CTNNA2: variants seen among roughly 807,000 people sequenced by gnomAD.
CTNNA2 encodes the protein catenin alpha 2, also known as catenin alpha-2.
Under a neutral mutation model 101.0 loss-of-function variants are expected in CTNNA2, and 42 were observed. The ratio of observed to expected loss-of-function variants is 0.42; its 90% CI spans 0.32 to 0.54. The LOEUF is 0.54. Among genes scored for constraint, CTNNA2 ranks in the 20% least tolerant of loss-of-function variants. CTNNA2 has a pLI of 0.14. For missense variants in CTNNA2, 871 were observed against 1,223.1 expected, an observed-to-expected ratio of 0.71 and a Z score of 4.29; for synonymous variants, 450 against 456.4, an observed-to-expected ratio of 0.99 and a Z score of 0.18.
chr2:79,908,339 G>T (rs1574284489), intron 6 of CTNNA2, among the ~76,000 whole-genome samples: 2 of 152,096 alleles, frequency 1.3e-5, no homozygotes, highest in East Asian at 3.9e-4. Context: ...AATAAGGAAC[G>T]TCAAAAGAAG....
intron 7 of CTNNA2, among the ~76,000 whole-genome samples, chr2:80,109,192 G>A (rs1017407836): frequency 1.3e-5 from 2 of 152,244 alleles, no homozygotes; most frequent in Non-Finnish European, 2.9e-5. Context: ...TGGGCATGGT[G>A]GCTCACGCCT....
At chr2:80,337,887 A>G (rs1419724585) in intron 7 of CTNNA2, among the ~76,000 whole-genome samples, 2 of 152,170 alleles carry the variant, frequency 1.3e-5, no homozygotes. Context: ...GCTGGTCCAG[A>G]GGATAGTAGC....
At chr2:79,572,679 G>C (rs1675531317) in intron 1 of CTNNA2, among the ~76,000 whole-genome samples, 1 of 152,204 alleles carries the variant, frequency 6.6e-6, no homozygotes, top group Non-Finnish European at 1.5e-5. Flanking sequence ...TTGAACCTAA[G>C]AGGTGGAGGT....
At chr2:79,305,119 A>G (rs1676203487) in intron 2 of CTNNA2, among the ~76,000 whole-genome samples, 1 of 151,972 alleles carries the variant, frequency 6.6e-6, no homozygotes, top group Non-Finnish European at 1.5e-5. Flanking sequence ...ATTTCAGGTT[A>G]CTAGTCATAG....
intron 1 of CTNNA2, among the ~76,000 whole-genome samples, chr2:79,586,111 C>T (rs1019235964): frequency 2.0e-5 from 3 of 152,122 alleles, no homozygotes; most frequent in Non-Finnish European, 4.4e-5. Flanking sequence ...GGTTGTTGGC[C>T]TCTGTGGCAT....
chr2:80,511,935 G>A (rs1470562199), intron 9 of CTNNA2, among the ~76,000 whole-genome samples: 1 of 152,012 alleles, frequency 6.6e-6, no homozygotes, highest in African/African-American at 2.4e-5. Flanking sequence ...CAGATAAACT[G>A]AGGTCAGGAG....
At chr2:79,393,023 C>G (rs904358219) in intron 4 of CTNNA2, among the ~76,000 whole-genome samples, 3 of 152,146 alleles carry the variant, frequency 2.0e-5, no homozygotes, top group Non-Finnish European at 4.4e-5. Context: ...AAAATCCTGA[C>G]CTGAGTTTTG....
intron 1 of CTNNA2, among the ~76,000 whole-genome samples, chr2:79,187,820 G>A (rs963785312): frequency 6.6e-6 from 1 of 152,084 alleles, no homozygotes; most frequent in African/African-American, 2.4e-5. Flanking sequence ...ATAAAATTCT[G>A]TCATTCAAAC....
At chr2:79,969,670 C>T (rs1489896277) in intron 7 of CTNNA2, among the ~76,000 whole-genome samples, 1 of 152,168 alleles carries the variant, frequency 6.6e-6, no homozygotes, top group African/African-American at 2.4e-5. Flanking sequence ...ATAACTTAAA[C>T]AGTGGTGGTA....
intron 1 of CTNNA2, among the ~76,000 whole-genome samples, chr2:79,186,434 G>A (rs1382463534): frequency 6.6e-6 from 1 of 152,172 alleles, no homozygotes; most frequent in Non-Finnish European, 1.5e-5. Flanking sequence ...AATGTCTGCT[G>A]TATCCTGAAC....
chr2:79,406,136 C>T (rs1220965749), intron 4 of CTNNA2, among the ~76,000 whole-genome samples: 1 of 152,006 alleles, frequency 6.6e-6, no homozygotes, highest in African/African-American at 2.4e-5. Context: ...AAAGGCATTA[C>T]AAGAAAGGTC....
intron 4 of CTNNA2, among the ~76,000 whole-genome samples, chr2:79,866,065 T>C (rs774871406): frequency 2.0e-5 from 3 of 152,180 alleles, no homozygotes; most frequent in Non-Finnish European, 2.9e-5. Flanking sequence ...ACCAGGAAAA[T>C]TAGACACTGA....
intron 5 of CTNNA2, among the ~76,000 whole-genome samples, chr2:79,507,244 G>C (rs942707237): frequency 1.3e-5 from 2 of 152,188 alleles, no homozygotes; most frequent in Non-Finnish European, 2.9e-5. Context: ...AAGAATAAAA[G>C]TGGCAGTGAG....
At chr2:79,516,578 G>A (rs1264947101) in intron 1 of CTNNA2, among the ~76,000 whole-genome samples, 2 of 152,178 alleles carry the variant, frequency 1.3e-5, no homozygotes, top group African/African-American at 2.4e-5. Flanking sequence ...TACAGTCAGA[G>A]TAATTATACT....
chr2:80,179,803 G>A (rs747104048), intron 7 of CTNNA2, among the ~76,000 whole-genome samples: 6 of 152,030 alleles, frequency 3.9e-5, no homozygotes, highest in Non-Finnish European at 7.4e-5. Context: ...CTTCCATTTG[G>A]CCTTTCCCTC....
At chr2:80,191,806 T>C (rs1281242423) in intron 7 of CTNNA2, among the ~76,000 whole-genome samples, 1 of 152,208 alleles carries the variant, frequency 6.6e-6, no homozygotes, top group Non-Finnish European at 1.5e-5. Flanking sequence ...GATTAAGGCA[T>C]TTCATCTACA....
chr2:80,419,580 G>C lies in CTNNA2; in HGVS notation c.1269G>C (p.Glu423Asp). The C allele has an allele frequency of 6.2e-7, 1 of 1,613,742 alleles. No individual in the cohort carries two copies. The highest frequency in any genetic ancestry group is 1.3e-5 in the African/African-American group (1 of 75,008). ...EVKEYAQVFR[E>D]HANKLVEVAN... is the part of the protein sequence containing the mutation. ...AAGAATATGCCCAAGTTTTCCGTGA[G>C]CATGCCAACAAACTGGTAGAGGTAA... is the stretch of plus-strand genomic sequence containing the variant. The change falls in exon 9 of 19, where the codon GAG (glutamate) becomes GAC (aspartate). Residue 423 changes from glutamate (E) to aspartate (D), a missense_variant. Transcript: ENST00000402739.
At chr2:80,608,738 A>G (rs1698228781) in intron 17 of CTNNA2, among the ~76,000 whole-genome samples, 1 of 151,814 alleles carries the variant, frequency 6.6e-6, no homozygotes, top group African/African-American at 2.4e-5. Context: ...TGATGAAAAC[A>G]ATAGGAATTC....
chr2:79,944,011 TC>T (rs1281439803), intron 7 of CTNNA2, among the ~76,000 whole-genome samples: 2 of 152,228 alleles, frequency 1.3e-5, no homozygotes, highest in Admixed American at 6.5e-5. Flanking sequence ...CAATTTTTCT[TC>T]CCTTGTGTCT....
Sources: allele counts gnomAD v4.1 joint callset (sites outside exome capture counted in the v4.1 genomes callset), GRCh38; gene constraint gnomAD v4.1.1; transcripts MANE v1.5; gene names NCBI Gene and HGNC (gene_info 2026-07-23, HGNC 2026-07-21).